TMEM181: variants seen among roughly 807,000 people sequenced by gnomAD.
The protein encoded by TMEM181 is G protein-coupled receptor 178.
TMEM181 carries 39 observed loss-of-function variants against 71.9 expected under a neutral mutation model. The ratio of observed to expected loss-of-function variants is 0.54; its 90% confidence interval spans 0.42 to 0.71. The LOEUF (loss-of-function observed/expected upper bound fraction) is 0.71, where lower values mean the gene tolerates loss of function less well. Ranked by LOEUF, TMEM181 falls within the 30% of genes least tolerant of loss-of-function variation. The pLI, the probability that TMEM181 is intolerant of heterozygous loss-of-function variation, is 0.00. For missense variants in TMEM181, 595 were observed against 583.0 expected (o/e 1.02, Z -0.21); for synonymous variants, 245 against 228.8 (o/e 1.07, Z -0.64).
At chr6:158,578,199 G>T (rs1280840877) in intron 2 of TMEM181, among the ~76,000 whole-genome samples, 1 of 152,204 alleles carries the variant, frequency 6.6e-6, no homozygotes, top group Non-Finnish European at 1.5e-5. Flanking sequence ...ATTTGAGGAA[G>T]TTATTACTAT....
chr6:158,565,594 G>A (rs1354861986), intron 1 of TMEM181, among the ~76,000 whole-genome samples: 1 of 152,188 alleles, frequency 6.6e-6, no homozygotes, highest in Admixed American at 6.5e-5. Flanking sequence ...ACCATTGCAG[G>A]GAAAATAGGA....
At chr6:158,539,965 G>C (rs1781278997) in intron 1 of TMEM181, among the ~76,000 whole-genome samples, 2 of 152,198 alleles carry the variant, frequency 1.3e-5, no homozygotes, top group African/African-American at 4.8e-5. Context: ...GATGTTTTCA[G>C]ATACACATAA....
chr6:158,572,294 C>T, intron 1 of TMEM181: 1 of 357,458 alleles, frequency 2.8e-6, no homozygotes, highest in South Asian at 1.8e-5. Flanking sequence ...AACCTTCCTG[C>T]AGGGCCAGGC....
chr6:158,558,817 G>A (rs1781999786), upstream of TMEM181, among the ~76,000 whole-genome samples: 1 of 152,146 alleles, frequency 6.6e-6, no homozygotes, highest in South Asian at 2.1e-4. Flanking sequence ...TAATTTAACA[G>A]GCTCCGGGGT....
chr6:158,537,282 C>T (rs889160592), intron 1 of TMEM181, among the ~76,000 whole-genome samples: 2 of 152,086 alleles, frequency 1.3e-5, no homozygotes, highest in African/African-American at 2.4e-5. Context: ...CGACCGCGCG[C>T]GCTGCGGCGT....
intron 1 of TMEM181, among the ~76,000 whole-genome samples, chr6:158,550,978 T>TC (rs1169577108): frequency 2.0e-5 from 3 of 151,546 alleles, no homozygotes; most frequent in Admixed American, 6.6e-5. Context: ...TTTTTTTTTT[T>TC]TTAGACAGAG....
upstream of TMEM181, chr6:158,560,010 C>CG: frequency 8.2e-6 from 8 of 980,084 alleles, no homozygotes; most frequent in Non-Finnish European, 9.7e-6. Flanking sequence ...CGCGCGCCCG[C>CG]GGCCCCGCTT....
At chr6:158,586,127 A>T (rs756320341) in intron 5 of TMEM181, among the ~76,000 whole-genome samples, 1 of 152,154 alleles carries the variant, frequency 6.6e-6, no homozygotes, top group Non-Finnish European at 1.5e-5. Flanking sequence ...TCTACTTCAG[A>T]GCACAGTGTG....
At chr6:158,581,752 T>TTAAA (rs1783492864) in intron 3 of TMEM181, among the ~76,000 whole-genome samples, 2 of 8,610 alleles carry the variant, frequency 2.3e-4, no homozygotes, top group Non-Finnish European at 4.1e-4. Flanking sequence ...AGACTCTGTC[T>TTAAA]CAAAAAAAAA....
At chr6:158,626,046 C>T (rs1251491315) in intron 13 of TMEM181, among the ~76,000 whole-genome samples, 1 of 152,232 alleles carries the variant, frequency 6.6e-6, no homozygotes, top group Admixed American at 6.5e-5. Context: ...CGTGCAGTCA[C>T]CAGCTGGAAG....
At chr6:158,564,723 C>T (rs1382058723) in intron 1 of TMEM181, among the ~76,000 whole-genome samples, 1 of 152,170 alleles carries the variant, frequency 6.6e-6, no homozygotes, top group African/African-American at 2.4e-5. Flanking sequence ...AACTGAGGGT[C>T]TGGGGAACTG....
chr6:158,559,995 C>G (rs892200444), upstream of TMEM181: 2 of 966,558 alleles, frequency 2.1e-6, no homozygotes, highest in Non-Finnish European at 2.5e-6. Context: ...GGCCACCCCC[C>G]TCGCCGCGCG....
At chr6:158,589,942 G>A (rs1442013792) in intron 6 of TMEM181, among the ~76,000 whole-genome samples, 160 bp downstream of exon 6, 2 of 152,210 alleles carry the variant, frequency 1.3e-5, no homozygotes, top group African/African-American at 4.8e-5. Flanking sequence ...AGTTTCTTAA[G>A]TATATAGAAC....
At chr6:158,581,051 C>A in intron 3 of TMEM181, 56 bp downstream of exon 3, 1 of 1,513,568 alleles carries the variant, frequency 6.6e-7, no homozygotes, top group South Asian at 1.2e-5. Context: ...AACCTCAGGT[C>A]ACTGAGAAAT....
chr6:158,564,494 C>T (rs896790340), intron 1 of TMEM181, among the ~76,000 whole-genome samples: 1 of 152,244 alleles, frequency 6.6e-6, no homozygotes, highest in Non-Finnish European at 1.5e-5. Context: ...GGAGGGGAGA[C>T]TTCATACAGT....
chr6:158,631,490 T>C, intron 16 of TMEM181, 101 bp downstream of exon 16: 5 of 1,296,706 alleles, frequency 3.9e-6, no homozygotes, highest in Non-Finnish European at 5.6e-6. Context: ...TTTCAAGGTA[T>C]GAAGGCATTT....
intron 15 of TMEM181, 38 bp downstream of exon 15, chr6:158,629,857 C>T (rs2278612): frequency 0.3 from 469,795 of 1,554,250 alleles, 75,369 homozygotes; most frequent in East Asian, 0.65. Context: ...GGCCAGTTAG[C>T]GGGCACAGAG....
chr6:158,536,963 G>T, intron 1 of TMEM181: 2 of 947,506 alleles, frequency 2.1e-6, no homozygotes, highest in Non-Finnish European at 2.6e-6. Context: ...TGGTCCCGCC[G>T]ACGGCCGCCT....
chr6:158,594,802 C>T (rs1275331031), intron 6 of TMEM181, among the ~76,000 whole-genome samples: 1 of 152,210 alleles, frequency 6.6e-6, no homozygotes, highest in African/African-American at 2.4e-5. Flanking sequence ...ATTCTCCTGC[C>T]TCAGCCTCCT....
Sources: allele counts gnomAD v4.1 joint callset (sites outside exome capture counted in the v4.1 genomes callset), GRCh38; gene constraint gnomAD v4.1.1; transcripts MANE v1.5; gene names NCBI Gene and HGNC (gene_info 2026-07-23, HGNC 2026-07-21).